The following SPARC variants were observed in gnomAD, a reference collection of about 807,000 sequenced individuals.
SPARC encodes secreted protein acidic and cysteine rich.
SPARC carries 23 observed loss-of-function variants against 37.7 expected under a neutral mutation model. The ratio of observed to expected loss-of-function variants is 0.61; its 90% CI spans 0.44 to 0.87. The LOEUF is 0.87. Among genes scored for constraint, SPARC ranks in the 40% least tolerant of loss-of-function variants. The pLI is 0.00. For synonymous variants in SPARC, 155 were observed against 150.8 expected (o/e 1.03, Z -0.20); for missense variants, 312 against 389.0 (o/e 0.80, Z 1.66).
At chr5:151,675,706 C>G (rs1370731355) in intron 2 of SPARC, among the ~76,000 whole-genome samples, 2 of 152,162 alleles carry the variant, frequency 1.3e-5, no homozygotes, top group Non-Finnish European at 2.9e-5. Context: ...TCAGATTGAA[C>G]TGTTGCTTAC....
At chr5:151,676,486 T>C (rs1229793634) in intron 1 of SPARC, among the ~76,000 whole-genome samples, 5 of 152,258 alleles carry the variant, frequency 3.3e-5, no homozygotes, top group Admixed American at 6.5e-5. Context: ...CAGGAAGTTA[T>C]ATCCAGCTGG....
chr5:151,664,466 G>C (rs763899187), intron 8 of SPARC, among the ~76,000 whole-genome samples: 3 of 152,214 alleles, frequency 2.0e-5, no homozygotes, highest in Non-Finnish European at 2.9e-5. Flanking sequence ...GCAAAGAGGA[G>C]GAGATGGCCA....
At position 151,661,938 on chromosome 5, in the gene SPARC, C is replaced by G. The variant is rs1760514835; in HGVS notation, c.*1633G>C. The G allele has an allele frequency of 6.6e-6, 1 of 152,216 alleles. No homozygotes were observed. Among genetic ancestry groups the G allele is most frequent in the South Asian group, 2.1e-4 (1 of 4,826 alleles). 9.4% of individuals were successfully genotyped at this position (152,216 alleles called of 1,614,324 possible). On this transcript the variant is annotated 3_prime_UTR_variant, in exon 10 of 10. Transcript: ENST00000231061. Reference sequence around the variant, plus strand: ...TTACACATACTCATGGTCTCTCCTACTCTCCCTTCATCACACCTGTGACAT... The same window carrying G: ...TTACACATACTCATGGTCTCTCCTAGTCTCCCTTCATCACACCTGTGACAT...
chr5:151,666,602 C>T (rs1760628779), intron 7 of SPARC, 93 bp from the exon 8 acceptor site: 2 of 1,193,452 alleles, frequency 1.7e-6, no homozygotes, highest in Non-Finnish European at 2.4e-6. Flanking sequence ...CCAGAGCAGG[C>T]AGAGACTAGC....
chr5:151,682,592 T>C (rs1259788333), intron 1 of SPARC, among the ~76,000 whole-genome samples: 3 of 152,222 alleles, frequency 2.0e-5, no homozygotes, highest in African/African-American at 7.2e-5. Context: ...TGAACACAGT[T>C]CTTCTGACAG....
rs1760534874 is a variant in SPARC at position 151,662,637 on chromosome 5, A to G, written c.*934T>C. 6.6e-6 allele frequency: 1 copy of G among 152,626 alleles called. No homozygotes were observed. Among genetic ancestry groups the G allele is most frequent in the Non-Finnish European group, 1.5e-5 (1 of 68,040 alleles). 9.5% of individuals were successfully genotyped at this position (152,626 alleles called of 1,614,324 possible). A position where few individuals can be genotyped will look rare whatever the true frequency, so the allele number is the denominator to read the frequency against. ...GAAGAAAAAAGGGGAGGGTGAAGAA[A>G]AGGAGGAACATGCTAAAAACCTTAT... On this transcript the variant is annotated 3_prime_UTR_variant, in exon 10 of 10. Transcript: ENST00000231061.
intron 8 of SPARC, among the ~76,000 whole-genome samples, chr5:151,664,546 G>T (rs780879511): frequency 6.6e-6 from 1 of 152,190 alleles, no homozygotes; most frequent in Non-Finnish European, 1.5e-5. Flanking sequence ...TGGTGTATTT[G>T]ATTGTTTCCT....
At chr5:151,669,539 G>A (rs1374232121) in intron 6 of SPARC, 125 bp downstream of exon 6, 9 of 1,158,584 alleles carry the variant, frequency 7.8e-6, no homozygotes, top group Middle Eastern at 2.5e-4. Context: ...TGGGGATGCC[G>A]AGACTCAGAA....
Position 151,663,591 on chromosome 5 carries a change from C to T in SPARC, c.892G>A (p.Asp298Asn), listed in dbSNP as rs752703201. Residue 298 changes from aspartate to asparagine, a missense_variant, in exon 10 of 10, where the codon GAC (aspartate) becomes AAC (asparagine). Physicochemically the swap from Asp to Asn is conservative, Grantham distance 23. Transcript: ENST00000231061. Reference sequence around the variant, plus strand: ...TGGATTTAGATCACAAGATCCTTGTCGATATCCTCTGCAAAGCAAGAAAAG... The same window carrying T: ...TGGATTTAGATCACAAGATCCTTGTTGATATCCTCTGCAAAGCAAGAAAAG... ...GCFGIKQKDI[D>N]KDLVI 5.6e-6 allele frequency: 9 copies of T among 1,613,818 alleles called. No individual in the cohort carries two copies. Among genetic ancestry groups the T allele is most frequent in the Non-Finnish European group, 6.8e-6 (8 of 1,179,918 alleles).
chr5:151,684,300 A>C (rs533487985), intron 1 of SPARC, among the ~76,000 whole-genome samples: 2 of 152,308 alleles, frequency 1.3e-5, no homozygotes, highest in South Asian at 4.1e-4. Flanking sequence ...CTTCAGAGTT[A>C]GAAGGGTGCC....
chr5:151,667,436 CG>C, intron 7 of SPARC, 30 bp downstream of exon 7: 1 of 1,613,664 alleles, frequency 6.2e-7, no homozygotes. Context: ...TTCACCAGCA[CG>C]GGGCCAGCAA....
At chr5:151,665,759 T>C (rs2113084403) in intron 8 of SPARC, among the ~76,000 whole-genome samples, 1 of 152,332 alleles carries the variant, frequency 6.6e-6, no homozygotes, top group East Asian at 1.9e-4. Context: ...CCTAGAATAG[T>C]GCAGGGCACA....
intron 4 of SPARC, 55 bp downstream of exon 4, chr5:151,673,074 G>T: frequency 7.8e-7 from 1 of 1,282,856 alleles, no homozygotes; most frequent in Non-Finnish European, 1.1e-6. Flanking sequence ...TCGTGCCCCA[G>T]GCCCAGGCAG....
intron 1 of SPARC, among the ~76,000 whole-genome samples, chr5:151,684,514 A>T (rs1294723679): frequency 1.3e-5 from 2 of 151,442 alleles, no homozygotes. Flanking sequence ...CAAAATGAAG[A>T]TAAACAATAT....
At chr5:151,666,642 G>T in intron 7 of SPARC, 133 bp from the exon 8 acceptor site, 1 of 727,392 alleles carries the variant, frequency 1.4e-6, no homozygotes, top group Non-Finnish European at 2.2e-6. Context: ...AGGGGAGGGA[G>T]GTGTCATAGA....
intron 2 of SPARC, 65 bp from the exon 3 acceptor site, chr5:151,674,739 C>G: frequency 3.9e-6 from 6 of 1,529,664 alleles, no homozygotes; most frequent in Non-Finnish European, 4.5e-6. Context: ...CTCCAAAGTG[C>G]CTGTGGCCTC....
chr5:151,684,887 C>A (rs1761093276), intron 1 of SPARC, among the ~76,000 whole-genome samples: 4 of 152,170 alleles, frequency 2.6e-5, no homozygotes, highest in Admixed American at 1.3e-4. Context: ...TTCAAACACC[C>A]TTGCAAGGAG....
intron 2 of SPARC, among the ~76,000 whole-genome samples, chr5:151,675,143 G>T (rs920123848): frequency 1.3e-5 from 2 of 152,162 alleles, no homozygotes; most frequent in African/African-American, 4.8e-5. Context: ...GAGGAAGCAA[G>T]AAAACACACA....
intron 1 of SPARC, among the ~76,000 whole-genome samples, chr5:151,678,634 G>A (rs1289672329): frequency 1.3e-5 from 2 of 152,146 alleles, no homozygotes; most frequent in African/African-American, 4.8e-5. Context: ...CAACAATTCA[G>A]GCCCTCTCCA....
Sources: allele counts gnomAD v4.1 joint callset (sites outside exome capture counted in the v4.1 genomes callset), GRCh38; gene constraint gnomAD v4.1.1; transcripts MANE v1.5; gene names NCBI Gene and HGNC (gene_info 2026-07-23, HGNC 2026-07-21).